The following TMEM108 variants were observed in gnomAD, a reference collection of about 807,000 sequenced individuals.
The protein encoded by TMEM108 is transmembrane protein 108, also known as cancer/testis antigen 124.
Under a neutral mutation model 35.1 loss-of-function variants are expected in TMEM108, and 12 were observed. That is an observed-to-expected ratio of 0.34 (90% confidence interval 0.22 to 0.55). TMEM108 has a LOEUF of 0.55. TMEM108 is among the 20% of genes least tolerant of loss of function. TMEM108 has a pLI of 0.89. For synonymous variants in TMEM108, 287 were observed against 308.6 expected (o/e 0.93, Z 0.73); for missense variants, 680 against 753.3 (o/e 0.90, Z 1.14).
intron 2 of TMEM108, among the ~76,000 whole-genome samples, chr3:133,099,158 C>T (rs1022019444): frequency 2.0e-5 from 3 of 152,222 alleles, no homozygotes; most frequent in Admixed American, 6.5e-5. Flanking sequence ...GACTTCAGTG[C>T]ACCTGCAGGC....
At chr3:133,249,458 C>T (rs1449814279) in intron 3 of TMEM108, among the ~76,000 whole-genome samples, 1 of 152,176 alleles carries the variant, frequency 6.6e-6, no homozygotes. Context: ...TACTGCTCCT[C>T]CTTCCCTCCA....
intron 2 of TMEM108, among the ~76,000 whole-genome samples, chr3:133,176,740 A>T (rs1209334222): frequency 1.3e-5 from 2 of 152,228 alleles, no homozygotes; most frequent in East Asian, 3.8e-4. Flanking sequence ...CGACACCAAC[A>T]TCACAATTAA....
intron 2 of TMEM108, among the ~76,000 whole-genome samples, chr3:133,181,380 G>A (rs947806292): frequency 6.6e-6 from 1 of 152,140 alleles, no homozygotes; most frequent in African/African-American, 2.4e-5. Flanking sequence ...TATTCCTTGT[G>A]ACTACCATGA....
intron 4 of TMEM108, among the ~76,000 whole-genome samples, chr3:133,382,762 C>CT (rs2073046879): frequency 6.6e-6 from 1 of 152,162 alleles, no homozygotes. Context: ...AGGTTTATGC[C>CT]TTTAATGCGA....
rs142089986 is a variant in TMEM108 at position 133,360,314 on chromosome 3, G to A, written c.41-19438G>A. 2.5e-3 allele frequency among the ~76,000 whole-genome samples: 384 copies of A among 152,238 alleles called. 1 individual carries two copies. The highest frequency in any genetic ancestry group is 8.7e-3 in the African/African-American group (362 of 41,534). On this transcript the variant is annotated intron_variant, in intron 3 of 5. Coordinates refer to ENST00000321871, the MANE Select transcript of TMEM108 (RefSeq NM_023943.4). ...CTTTTGCCAAAACTCGCCAATCTGT[G>A]CACTTAAAATGGTGAATTTTATTGT...
At chr3:133,181,037 A>AAAAAAAAAAAAAAAAAAAAAAAAAAAC in intron 2 of TMEM108, among the ~76,000 whole-genome samples, 1 of 130,448 alleles carries the variant, frequency 7.7e-6, no homozygotes, top group African/African-American at 2.8e-5. Context: ...AAAAAAAAAA[A>AAAAAAAAAAAAAAAAAAAAAAAAAAAC]ACAGCACTCC....
intron 2 of TMEM108, among the ~76,000 whole-genome samples, chr3:133,162,537 C>G (rs1276993966): frequency 6.6e-6 from 1 of 152,192 alleles, no homozygotes; most frequent in Non-Finnish European, 1.5e-5. Flanking sequence ...TGAATTGTTT[C>G]TCCAGTAGTG....
chr3:133,333,025 G>A (rs1019495033), intron 3 of TMEM108, among the ~76,000 whole-genome samples: 3 of 152,132 alleles, frequency 2.0e-5, no homozygotes, highest in African/African-American at 7.2e-5. Flanking sequence ...CAAGGCCCTA[G>A]CAAGCTCTAT....
chr3:133,049,266 C>T (rs2107673754), intron 2 of TMEM108, among the ~76,000 whole-genome samples: 1 of 152,316 alleles, frequency 6.6e-6, no homozygotes, highest in African/African-American at 2.4e-5. Flanking sequence ...CCACTAGCCA[C>T]ATGTGGCTTT....
chr3:133,068,658 A>G (rs56025157), intron 2 of TMEM108, among the ~76,000 whole-genome samples: 19,509 of 152,088 alleles, frequency 0.13, 1,267 homozygotes, highest in Admixed American at 0.16. Flanking sequence ...TGGATTGAGG[A>G]TCATGATCGA....
rs1356107771 is a variant in TMEM108, at chr3:133,346,381, A to G, written c.41-33371A>G. Among the ~76,000 whole-genome samples, 2 of 151,864 alleles carry G rather than the reference A, an allele frequency of 1.3e-5. No individual in the cohort carries two copies. Among genetic ancestry groups the G allele is most frequent in the Non-Finnish European group, 1.5e-5 (1 of 67,884 alleles). On this transcript the variant is annotated intron_variant, in intron 3 of 5. Transcript: ENST00000321871. The surrounding 1 kb of genome is among the most constrained non-coding windows in gnomAD (Gnocchi z 4.0). ...TCTAATAGGTGTGTAGTGGTATCCC[A>G]TTGTTGTTTTAATTGACAGTTCTCT...
At position 133,322,714 on chromosome 3, in the gene TMEM108, A is replaced by G. The variant is rs147200566; in HGVS notation, c.41-57038A>G. On this transcript the variant is annotated intron_variant, in intron 3 of 5. Transcript: ENST00000321871. ...TCCAAAACCAGGAAAGGACATAACA[A>G]AAAAGAAAACTACAGACCAATATCC... Among the ~76,000 whole-genome samples the G allele has an allele frequency of 2.3e-3, 354 of 152,236 alleles. 2 individuals are homozygous for G. The highest frequency in any genetic ancestry group is 8.0e-3 in the African/African-American group (332 of 41,536).
At chr3:133,135,776 G>T (rs887043280) in intron 2 of TMEM108, among the ~76,000 whole-genome samples, 1 of 152,004 alleles carries the variant, frequency 6.6e-6, no homozygotes, top group East Asian at 1.9e-4. Context: ...AAAGTGTAGA[G>T]CACTGGAGGA....
At chr3:133,150,322 T>A (rs1432378504) in intron 2 of TMEM108, among the ~76,000 whole-genome samples, 1 of 139,594 alleles carries the variant, frequency 7.2e-6, no homozygotes, top group Non-Finnish European at 1.5e-5. Context: ...TTTGCCCATT[T>A]AAAAAAATCA....
intron 2 of TMEM108, among the ~76,000 whole-genome samples, chr3:133,136,104 G>T (rs550357856): frequency 1.1e-4 from 16 of 152,276 alleles, no homozygotes; most frequent in African/African-American, 3.9e-4. Context: ...TCTATTTTCT[G>T]CAATAAAGTG....
chr3:133,326,667 C>A (rs2107724047), intron 3 of TMEM108, among the ~76,000 whole-genome samples: 1 of 152,258 alleles, frequency 6.6e-6, no homozygotes, highest in South Asian at 2.1e-4. Flanking sequence ...CATCTGTCTT[C>A]CCCACTGGAC....
chr3:133,130,819 C>G (rs962640021), intron 2 of TMEM108, among the ~76,000 whole-genome samples: 3 of 152,216 alleles, frequency 2.0e-5, no homozygotes, highest in Non-Finnish European at 4.4e-5. Context: ...CTGGGCCTTT[C>G]TCTTCAGACC....
intron 2 of TMEM108, among the ~76,000 whole-genome samples, chr3:133,140,428 A>T (rs1944625550): frequency 6.6e-6 from 1 of 152,218 alleles, no homozygotes; most frequent in Admixed American, 6.5e-5. Context: ...GAAAGATCAT[A>T]TCAACAGACA....
chr3:133,246,530 G>T (rs570805259), intron 3 of TMEM108: 1 of 150,602 alleles, frequency 6.6e-6, no homozygotes, highest in South Asian at 2.1e-4. Context: ...AGAGCATATA[G>T]TCCAAAATGC....
Sources: allele counts gnomAD v4.1 joint callset (sites outside exome capture counted in the v4.1 genomes callset), GRCh38; gene constraint gnomAD v4.1.1; non-coding constraint Gnocchi (gnomAD v3.1); transcripts MANE v1.5; gene names NCBI Gene and HGNC (gene_info 2026-07-23, HGNC 2026-07-21).